MAEA: variants seen among roughly 807,000 people sequenced by gnomAD.
MAEA encodes the protein E3 ubiquitin-protein transferase MAEA.
Under a neutral mutation model 46.2 loss-of-function variants are expected in MAEA, and 22 were observed. That is an observed-to-expected ratio of 0.48 (90% CI 0.34 to 0.68). The LOEUF (loss-of-function observed/expected upper bound fraction) is 0.68, where lower values mean the gene tolerates loss of function less well. MAEA is among the 30% of genes least tolerant of loss of function. The probability of loss-of-function intolerance (pLI) is 0.01; values close to 1 mark genes in which losing one functional copy is unlikely to be tolerated. For missense variants in MAEA, 393 were observed against 558.1 expected (o/e 0.70, Z 2.98); for synonymous variants, 246 against 222.6 (o/e 1.11, Z -0.94).
intron 3 of MAEA, among the ~76,000 whole-genome samples, chr4:1,321,608 C>T (rs528646869): frequency 9.2e-5 from 14 of 152,344 alleles, no homozygotes; most frequent in African/African-American, 3.4e-4. Flanking sequence ...ACTGTGGCCT[C>T]ATCCTGGGCC....
intron 1 of MAEA, among the ~76,000 whole-genome samples, chr4:1,294,693 T>C (rs79680136): frequency 6.6e-6 from 1 of 151,056 alleles, no homozygotes; most frequent in Non-Finnish European, 1.5e-5. Flanking sequence ...GGCCCCTGTC[T>C]ACGCTCCGGT....
intron 7 of MAEA, chr4:1,337,459 C>T (rs567372200): frequency 2.3e-4 from 48 of 210,912 alleles, no homozygotes; most frequent in African/African-American, 9.9e-4. Flanking sequence ...GTCCCACCTG[C>T]GACTCACTGA....
intron 1 of MAEA, among the ~76,000 whole-genome samples, chr4:1,308,296 C>T (rs1333439923): frequency 3.3e-5 from 5 of 152,192 alleles, no homozygotes; most frequent in South Asian, 2.1e-4. Context: ...ATCACCTGCA[C>T]GGTCTGTTGT....
At chr4:1,323,186 C>T (rs1738372237) in intron 4 of MAEA, among the ~76,000 whole-genome samples, 3 of 152,136 alleles carry the variant, frequency 2.0e-5, no homozygotes, top group Admixed American at 2.0e-4. Flanking sequence ...ACCTTGTGAT[C>T]CACCTGCCTC....
chr4:1,336,870 G>C lies in MAEA; in HGVS notation c.775G>C (p.Asp259His). 1 of 1,613,782 alleles carries C rather than the reference G, an allele frequency of 6.2e-7. No individual in the cohort carries two copies. Reference sequence around the variant, plus strand: ...GCTCTCTGTCTTCCAGGACCTTCTGGACCCTGCACGGTGGCGGATGCTGAT... The same window carrying C: ...GCTCTCTGTCTTCCAGGACCTTCTGCACCCTGCACGGTGGCGGATGCTGAT... The part of the protein sequence containing the change: ...THISPYKDLL[D>H]PARWRMLIQQ... Residue 259 changes from aspartate to histidine, a missense_variant, in exon 7 of 9, where the codon GAC (aspartate) becomes CAC (histidine). Transcript: ENST00000303400.
intron 1 of MAEA, among the ~76,000 whole-genome samples, chr4:1,297,544 G>C (rs1332479008): frequency 1.3e-5 from 2 of 151,990 alleles, no homozygotes; most frequent in African/African-American, 4.8e-5. Context: ...ATTAGGATGT[G>C]GTTCCTTTTG....
At chr4:1,313,721 C>T (rs1390861385) in intron 2 of MAEA, among the ~76,000 whole-genome samples, 3 of 151,540 alleles carry the variant, frequency 2.0e-5, no homozygotes, top group African/African-American at 4.9e-5. Flanking sequence ...GAGACCCTAT[C>T]TCAAAAAAAA....
intron 6 of MAEA, 100 bp downstream of exon 6, chr4:1,332,965 G>A: frequency 1.2e-6 from 1 of 814,728 alleles, no homozygotes. Context: ...GGACGTGAGG[G>A]CCCCATCCCA....
intron 6 of MAEA, 103 bp downstream of exon 6, chr4:1,332,968 C>G (rs1487331707): frequency 2.7e-6 from 2 of 734,968 alleles, no homozygotes; most frequent in Non-Finnish European, 4.4e-6. Context: ...CGTGAGGGCC[C>G]CATCCCAGCC....
chr4:1,323,435 C>T (rs745907913), intron 4 of MAEA: 7 of 701,728 alleles, frequency 1.0e-5, no homozygotes, highest in Non-Finnish European at 1.8e-5. Context: ...TAACCTCACC[C>T]TGGCTGAGTT....
chr4:1,320,669 T>C (rs1737962666), intron 3 of MAEA, among the ~76,000 whole-genome samples: 1 of 150,248 alleles, frequency 6.7e-6, no homozygotes, highest in Non-Finnish European at 1.5e-5. Flanking sequence ...AAGAAGACAC[T>C]ATGAAGGGGT....
intron 1 of MAEA, among the ~76,000 whole-genome samples, chr4:1,297,399 A>G (rs1256640024): frequency 1.4e-5 from 2 of 146,978 alleles, no homozygotes; most frequent in Admixed American, 6.6e-5. Context: ...ACTTCAGCTC[A>G]TTCCCCAGAG....
chr4:1,298,385 A>G (rs1194241653), intron 1 of MAEA, among the ~76,000 whole-genome samples: 8 of 151,762 alleles, frequency 5.3e-5, no homozygotes, highest in African/African-American at 1.9e-4. Context: ...GTTATCCACG[A>G]AGAGGCACAC....
chr4:1,337,647 T>C, intron 7 of MAEA: 1 of 171,438 alleles, frequency 5.8e-6, no homozygotes, highest in Non-Finnish European at 1.3e-5. Context: ...TGCCCCTGCC[T>C]GCGACTGAGT....
intron 2 of MAEA, among the ~76,000 whole-genome samples, chr4:1,313,098 G>C (rs112349568): frequency 0.012 from 1,798 of 152,332 alleles, 10 homozygotes; most frequent in Non-Finnish European, 0.019. Context: ...GAAGTGGACT[G>C]GCGTTGACAC....
chr4:1,309,812 T>C lies in MAEA; in HGVS notation c.70-2167T>C. On this transcript the variant is annotated intron_variant, in intron 1 of 8. Coordinates refer to ENST00000303400, the MANE Select transcript of MAEA (RefSeq NM_001017405.3). ...TTGCACTGGGAGCAAAGGGTTCCTGTCTGCAGCACACCAGCTGCCCGGAGC... is the reference window on the plus strand; with the variant it reads ...TTGCACTGGGAGCAAAGGGTTCCTGCCTGCAGCACACCAGCTGCCCGGAGC... The C allele has an allele frequency of 2.2e-6, 3 of 1,381,366 alleles. No individual in the cohort carries two copies. The South Asian group carries it at 4.8e-5, about 22-fold the overall frequency. 85.6% of individuals were successfully genotyped at this position (1,381,366 alleles called of 1,614,324 possible).
Position 1,289,942 on chromosome 4 carries a change from T to G in MAEA, c.29T>G (p.Leu10Trp), listed in dbSNP as rs1315985680. The change falls in exon 1 of 9, where the codon TTG (leucine) becomes TGG (tryptophan). Residue 10 changes from leucine to tryptophan, a missense_variant. Leu to Trp is a moderately conservative substitution (Grantham distance 61). Around this residue, in one of 2 missense-constraint regions of MAEA, gnomAD observed 35 missense variants for 20.1 expected, o/e 1.74. Coordinates refer to ENST00000303400, the MANE Select transcript of MAEA (RefSeq NM_001017405.3). ...GCGGTGCAGGAGTCGGCGGCTCAGT[T>G]GTCCATGACCCTGAAGGTCCAGGAG... MAVQESAAQLSMTLKVQEYP... is the reference protein window; with the variant it reads MAVQESAAQWSMTLKVQEYP... The G allele has an allele frequency of 6.2e-7, 1 of 1,602,452 alleles. No homozygotes were observed. Among genetic ancestry groups the G allele is most frequent in the Non-Finnish European group, 8.5e-7 (1 of 1,174,332 alleles).
chr4:1,338,178 T>G, intron 7 of MAEA: 2 of 484,238 alleles, frequency 4.1e-6, no homozygotes, highest in South Asian at 3.4e-5. Flanking sequence ...ACTCTGTGCC[T>G]GTGGTCCTGG....
At chr4:1,329,964 G>A (rs1448665693) in intron 5 of MAEA, 4 of 985,372 alleles carry the variant, frequency 4.1e-6, no homozygotes, top group Non-Finnish European at 4.8e-6. Context: ...CAGGGCTTGA[G>A]GCCAGCAGCC....
Sources: gnomAD v4.1 joint callset for allele counts (sites outside exome capture counted in the v4.1 genomes callset) on GRCh38, gnomAD v4.1.1 for gene constraint, gnomAD v4.1.1 regional missense constraint, MANE v1.5 for transcripts, NCBI Gene and HGNC (gene_info 2026-07-23, HGNC 2026-07-21) for gene names.